CNOT1: variants seen among roughly 807,000 people sequenced by gnomAD.
CNOT1 encodes the protein CCR4-associated factor 1.
In CNOT1, 15 loss-of-function variants were observed where a neutral mutation model predicts 273.8. That is an observed-to-expected ratio of 0.05 (90% CI 0.04 to 0.08). CNOT1 has a LOEUF of 0.08. Among genes scored for constraint, CNOT1 ranks in the 10% least tolerant of loss-of-function variants. The pLI, the probability that CNOT1 is intolerant of heterozygous loss-of-function variation, is 1.00. For missense variants in CNOT1, 1,644 were observed against 2,912.2 expected, an observed-to-expected ratio of 0.56 and a Z score of 10.02; for synonymous variants, 1,022 against 1,005.5, an observed-to-expected ratio of 1.02 and a Z score of -0.31.
intron 25 of CNOT1, chr16:58,548,704 T>C: frequency 2.2e-6 from 1 of 450,182 alleles, no homozygotes; most frequent in Non-Finnish European, 4.4e-6. Flanking sequence ...CTAGAAGTTT[T>C]TCCTCCTAAG....
In CNOT1 at chr16:58,572,215, G is replaced by A. The variant is rs569369466; in HGVS notation, c.1979+2394C>T. ...GGAGAATCACTTGAACCCAGGAGGCGGAGGGTTGCGGTGAGCCGAGATCAT... is the reference window on the plus strand; with the variant it reads ...GGAGAATCACTTGAACCCAGGAGGCAGAGGGTTGCGGTGAGCCGAGATCAT... On this transcript the variant is annotated intron_variant, in intron 16 of 48. Transcript: ENST00000317147. 2.0e-4 allele frequency among the ~76,000 whole-genome samples: 30 copies of A among 151,944 alleles called. No homozygotes were observed. In the South Asian group the frequency reaches 5.4e-3, roughly 27 times the overall value.
intron 15 of CNOT1, 53 bp from the exon 16 acceptor site, chr16:58,574,813 T>C (rs2041403867): frequency 1.3e-6 from 2 of 1,576,910 alleles, no homozygotes; most frequent in Non-Finnish European, 1.7e-6. Flanking sequence ...TAAATGTTTT[T>C]GGATTAAAGA....
Position 58,555,778 on chromosome 16 carries a change from A to G in CNOT1, c.2604+6T>C, listed in dbSNP as rs1567404378. 3 of 1,613,780 alleles carry G rather than the reference A, an allele frequency of 1.9e-6. No individual in the cohort carries two copies. The highest frequency in any genetic ancestry group is 2.5e-6 in the Non-Finnish European group (3 of 1,180,018). On this transcript the variant is annotated splice_donor_region_variant and intron_variant, in intron 20 of 48. Coordinates refer to ENST00000317147, the MANE Select transcript of CNOT1 (RefSeq NM_016284.5). ...AATAAATAAGTAGATCATCCTAGAC[A>G]CTCACCTCATCAACAGACATGGTTG...
At chr16:58,539,339 A>T (rs1207924055) in intron 35 of CNOT1, among the ~76,000 whole-genome samples, 2 of 152,034 alleles carry the variant, frequency 1.3e-5, no homozygotes, top group East Asian at 3.9e-4. Context: ...CAAAAAAATT[A>T]AAAATTAGCT....
In CNOT1 at chr16:58,542,629, T is replaced by C. The variant is rs1306546638; in HGVS notation, c.4435-61A>G. ...AGAAGGAAAAAGACTTGAAAGTTGA[T>C]GTGGACAGACAGGATAGTAGAAAAT... On this transcript the variant is annotated intron_variant, in intron 31 of 48. Coordinates refer to ENST00000317147, the MANE Select transcript of CNOT1 (RefSeq NM_016284.5). 4 of 1,585,508 alleles carry C rather than the reference T, an allele frequency of 2.5e-6. No individual in the cohort carries two copies. The African/African-American group carries it at 5.4e-5, about 21-fold the overall frequency.
At position 58,523,456 on chromosome 16, in the gene CNOT1, T is replaced by G; in HGVS notation, c.6831A>C (p.Pro2277=). Reference sequence around the variant, plus strand: ...AACTGAAGTAGTGAGTGTGGCTATTTGGGTACCGGAGCTGATTTGCAATTG... The same window carrying G: ...AACTGAAGTAGTGAGTGTGGCTATTGGGGTACCGGAGCTGATTTGCAATTG... ...LNAIANQLRY[P]NSHTHYFSCT... The change falls in exon 47 of 49, where the codon CCA becomes CCC. Residue 2277 remains proline (P), a synonymous_variant. Transcript: ENST00000317147. The G allele has an allele frequency of 6.2e-7, 1 of 1,614,104 alleles. No individual in the cohort carries two copies. Among genetic ancestry groups the G allele is most frequent in the Non-Finnish European group, 8.5e-7 (1 of 1,179,954 alleles).
chr16:58,521,017 G>C lies in CNOT1; in HGVS notation c.7072C>G (p.Gln2358Glu). 2.5e-6 allele frequency: 4 copies of C among 1,614,016 alleles called. No individual in the cohort carries two copies. Among genetic ancestry groups the C allele is most frequent in the Non-Finnish European group, 3.4e-6 (4 of 1,180,040 alleles). Residue 2358 changes from glutamine (Q) to glutamate (E), a missense_variant, in exon 49 of 49, where the codon CAG becomes GAG. Coordinates refer to ENST00000317147, the MANE Select transcript of CNOT1 (RefSeq NM_016284.5). ...GCCTGCTTCTGTCCCATGCAGCACT[G>C]TGCGACCGACTGGAATAACCTGAAG... ...EIEKLFQSVA[Q>E]CCMGQKQAQQ...
Position 58,591,533 on chromosome 16 carries a change from C to T in CNOT1, c.103-2627G>A, listed in dbSNP as rs1222463513. ...GTTTGTGGGGCTGAACTGGGCGGAT[C>T]ACCTGAGGTCAGGAGTTCGAGACCA... On this transcript the variant is annotated intron_variant, in intron 2 of 48. Coordinates refer to ENST00000317147, the MANE Select transcript of CNOT1 (RefSeq NM_016284.5). 3.3e-5 allele frequency among the ~76,000 whole-genome samples: 5 copies of T among 152,138 alleles called. No homozygotes were observed. In the East Asian group the frequency reaches 9.6e-4, roughly 29 times the overall value.
intron 16 of CNOT1, among the ~76,000 whole-genome samples, chr16:58,565,288 G>GT (rs925567886): frequency 1.1e-4 from 16 of 151,664 alleles, no homozygotes; most frequent in South Asian, 2.1e-4. Flanking sequence ...ATTTTTAAAT[G>GT]TTTTTTTTCA....
chr16:58,586,474 G>T, intron 7 of CNOT1, 71 bp downstream of exon 7: 1 of 1,191,726 alleles, frequency 8.4e-7, no homozygotes, highest in Admixed American at 2.0e-5. Context: ...AGGGGAGGGG[G>T]GAATGCTTTT....
At chr16:58,574,532 A>T (rs8054895) in intron 16 of CNOT1, 77 bp downstream of exon 16, 1 of 1,389,686 alleles carries the variant, frequency 7.2e-7, no homozygotes, top group Non-Finnish European at 9.7e-7. Context: ...CTTTCACTGA[A>T]CCTCTTCTTC....
intron 34 of CNOT1, among the ~76,000 whole-genome samples, chr16:58,540,938 G>T (rs1019437397): frequency 6.6e-5 from 10 of 152,264 alleles, no homozygotes; most frequent in African/African-American, 2.2e-4. Context: ...GGGCACAATG[G>T]CTCAGGCCTG....
At chr16:58,583,454 T>C (rs1279875375) in intron 8 of CNOT1, among the ~76,000 whole-genome samples, 1 of 152,192 alleles carries the variant, frequency 6.6e-6, no homozygotes, top group Non-Finnish European at 1.5e-5. Flanking sequence ...AGATAAGCTA[T>C]GAGGATGCAA....
At chr16:58,593,386 C>T (rs2042132051) in intron 2 of CNOT1, among the ~76,000 whole-genome samples, 1 of 152,054 alleles carries the variant, frequency 6.6e-6, no homozygotes, top group South Asian at 2.1e-4. Flanking sequence ...ATGGAGAAAC[C>T]TCGTCTCTAC....
chr16:58,582,464 T>C (rs1042646482), intron 10 of CNOT1, among the ~76,000 whole-genome samples: 4 of 152,242 alleles, frequency 2.6e-5, no homozygotes, highest in Admixed American at 1.3e-4. Flanking sequence ...AATTCCTTTA[T>C]GTCTTATTTA....
intron 3 of CNOT1, 69 bp downstream of exon 3, chr16:58,588,730 A>C (rs1293588787): frequency 6.4e-7 from 1 of 1,559,772 alleles, no homozygotes; most frequent in African/African-American, 1.4e-5. Context: ...CATATGCTAC[A>C]TACACTATGC....
chr16:58,588,024 T>C (rs993508840), intron 3 of CNOT1, 146 bp from the exon 4 acceptor site: 1 of 840,482 alleles, frequency 1.2e-6, no homozygotes. Flanking sequence ...TCTCGCCAGG[T>C]GCGGTGGTTG....
chr16:58,605,115 G>A (rs949258885), intron 1 of CNOT1, among the ~76,000 whole-genome samples: 3 of 152,060 alleles, frequency 2.0e-5, no homozygotes, highest in Admixed American at 6.6e-5. Context: ...CAGCGTAGGC[G>A]ACAGAGCAAG....
In CNOT1 at chr16:58,526,150, A is replaced by G; in HGVS notation, c.6454-12T>C. 2 of 1,613,592 alleles carry G rather than the reference A, an allele frequency of 1.2e-6. No homozygotes were observed. The highest frequency in any genetic ancestry group is 2.2e-5 in the South Asian group (2 of 91,014). ...CTCAACATGTCCACCTGCCACAGAT[A>G]AAATGCAAGAATCACAAGCAGAATC... On this transcript the variant is annotated splice_polypyrimidine_tract_variant and intron_variant, in intron 44 of 48. Coordinates refer to ENST00000317147, the MANE Select transcript of CNOT1 (RefSeq NM_016284.5).
Sources: allele counts gnomAD v4.1 joint callset (sites outside exome capture counted in the v4.1 genomes callset), GRCh38; gene constraint gnomAD v4.1.1; transcripts MANE v1.5; gene names NCBI Gene and HGNC (gene_info 2026-07-23, HGNC 2026-07-21).